The following ADSL variants were observed in gnomAD, a reference collection of about 807,000 sequenced individuals.
ADSL encodes adenylosuccinase.
ADSL carries 44 observed loss-of-function variants against 62.1 expected under a neutral mutation model. That is an observed-to-expected ratio of 0.71 (90% CI 0.56 to 0.91). The LOEUF (loss-of-function observed/expected upper bound fraction) is 0.91. Ranked by LOEUF, ADSL falls within the 40% of genes least tolerant of loss-of-function variation. ADSL has a pLI of 0.00. For missense variants in ADSL, 531 were observed against 627.4 expected, an observed-to-expected ratio of 0.85 and a Z score of 1.64; for synonymous variants, 198 against 220.5, an observed-to-expected ratio of 0.90 and a Z score of 0.90.
rs534624708 is a variant in ADSL at position 40,384,641 on chromosome 22, A to G, written c.90-5589A>G. 3.7e-3 allele frequency among the ~76,000 whole-genome samples: 556 copies of G among 152,202 alleles called. 1 individual carries two copies. The highest frequency in any genetic ancestry group is 6.0e-3 in the Non-Finnish European group (409 of 68,004). ...TAAAAATACAAAAAATTAGCTGGGC[A>G]TGGTGGCGGGCGCCTGTAGTCCCAG... On this transcript the variant is annotated intron_variant, in intron 2 of 2. Coordinates refer to the ADSL transcript ENST00000498234.
At chr22:40,349,185 T>C (rs2044253339) in intron 1 of ADSL, among the ~76,000 whole-genome samples, 1 of 152,026 alleles carries the variant, frequency 6.6e-6, no homozygotes, top group Non-Finnish European at 1.5e-5. Context: ...TGTCATGTGG[T>C]GATAAGTGCT....
chr22:40,362,861 C>G (rs968188586), intron 9 of ADSL, 120 bp from the exon 10 acceptor site: 1 of 979,942 alleles, frequency 1.0e-6, no homozygotes, highest in African/African-American at 1.6e-5. Context: ...TTGGGGTAAT[C>G]ATAAGATTGA....
chr22:40,361,375 TTGC>T, intron 8 of ADSL, 33 bp downstream of exon 8: 1 of 1,612,816 alleles, frequency 6.2e-7, no homozygotes, highest in African/African-American at 1.3e-5. Flanking sequence ...TGAGCACACA[TTGC>T]TGCTGGAAGG....
chr22:40,369,963 GT>G (rs748954049), downstream of ADSL, among the ~76,000 whole-genome samples: 1 of 152,208 alleles, frequency 6.6e-6, no homozygotes, highest in Non-Finnish European at 1.5e-5. Flanking sequence ...CCCTAGAAAG[GT>G]GATATGAAGC....
At chr22:40,347,922 T>C (rs2044203937) in intron 1 of ADSL, among the ~76,000 whole-genome samples, 1 of 152,216 alleles carries the variant, frequency 6.6e-6, no homozygotes, top group Non-Finnish European at 1.5e-5. Context: ...TTCTATTTCA[T>C]CTGATATTCT....
rs1171603051 is a variant in ADSL, at chr22:40,356,631, G to A, written c.483-2233G>A. On this transcript the variant is annotated intron_variant, in intron 4 of 12. Transcript: ENST00000623063. Reference sequence around the variant, plus strand: ...GGGCCAAGGCAGGACGATAGCTTGAGGCATGGAGTTCGAGACCAGCCTGGG... The same window carrying A: ...GGGCCAAGGCAGGACGATAGCTTGAAGCATGGAGTTCGAGACCAGCCTGGG... Among the ~76,000 whole-genome samples the A allele has an allele frequency of 5.9e-5, 9 of 152,074 alleles. No individual in the cohort carries two copies. In the South Asian group the frequency reaches 1.2e-3, roughly 21 times the overall value.
At chr22:40,375,047 C>G (rs1266292569) in intron 2 of ADSL, among the ~76,000 whole-genome samples, 1 of 152,212 alleles carries the variant, frequency 6.6e-6, no homozygotes, top group Non-Finnish European at 1.5e-5. Context: ...CTAATTTATG[C>G]TCACCATTTA....
rs530379053 is a variant in ADSL, at chr22:40,367,066, A to G, written c.*544A>G. 31 of 166,712 alleles carry G rather than the reference A, an allele frequency of 1.9e-4. No individual in the cohort carries two copies. The South Asian group carries it at 4.8e-3, about 26-fold the overall frequency. 10.3% of individuals were successfully genotyped at this position (166,712 alleles called of 1,614,324 possible). ...GTGCCCAAGCTCATTTCATCTTTTG[A>G]TAAGGCTTATACAGCAGGGAAATGC... is the stretch of plus-strand genomic sequence containing the variant. On this transcript the variant is annotated 3_prime_UTR_variant, in exon 13 of 13. Transcript: ENST00000623063.
chr22:40,354,129 C>G (rs561292444), intron 3 of ADSL, 119 bp from the exon 4 acceptor site: 109 of 930,012 alleles, frequency 1.2e-4, no homozygotes, highest in Admixed American at 3.4e-5. Context: ...GATATGGCTG[C>G]TGCCTTTCAT....
chr22:40,354,225 C>A, intron 3 of ADSL, 23 bp from the exon 4 acceptor site: 1 of 1,609,244 alleles, frequency 6.2e-7, no homozygotes, highest in Non-Finnish European at 8.5e-7. Context: ...CAACCTCTTT[C>A]TATCACATGA....
rs571597579 is a variant in ADSL, at chr22:40,364,923, C to T, written c.1235C>T (p.Ser412Phe). 34 of 1,614,112 alleles carry T rather than the reference C, an allele frequency of 2.1e-5. No individual in the cohort carries two copies. The highest frequency in any genetic ancestry group is 2.7e-5 in the Non-Finnish European group (32 of 1,180,052). ...AGAGTGCTTTCTCAGCAGGCAGCTTCTGTGGTTAAGCAGGAAGGGGGTGAC... is the reference window on the plus strand; with the variant it reads ...AGAGTGCTTTCTCAGCAGGCAGCTTTTGTGGTTAAGCAGGAAGGGGGTGAC... ...KIRVLSQQAA[S>F]VVKQEGGDND... The change falls in exon 12 of 13, where the codon TCT becomes TTT. Residue 412 changes from serine to phenylalanine, a missense_variant. Coordinates refer to ENST00000623063, the MANE Select transcript of ADSL (RefSeq NM_000026.4).
intron 2 of ADSL, among the ~76,000 whole-genome samples, chr22:40,381,068 G>A (rs5995849): frequency 1.1e-3 from 161 of 152,184 alleles, no homozygotes; most frequent in Non-Finnish European, 1.8e-3. Flanking sequence ...TGGGAAGAAC[G>A]AAGTAATTAG....
At chr22:40,374,912 A>C (rs1185819070) in intron 2 of ADSL, among the ~76,000 whole-genome samples, 1 of 152,246 alleles carries the variant, frequency 6.6e-6, no homozygotes, top group Non-Finnish European at 1.5e-5. Flanking sequence ...CAGTACTATC[A>C]GTAGTAGCAT....
chr22:40,374,042 G>A (rs1057044919), downstream of ADSL, among the ~76,000 whole-genome samples: 3 of 151,900 alleles, frequency 2.0e-5, no homozygotes, highest in African/African-American at 7.3e-5. Flanking sequence ...TCTGCCTCCC[G>A]GGTTTATTTA....
At chr22:40,349,022 C>T (rs1050538173) in intron 1 of ADSL, 5 of 156,052 alleles carry the variant, frequency 3.2e-5, no homozygotes, top group African/African-American at 1.2e-4. Flanking sequence ...GGCAAAACTA[C>T]TTACAGAATT....
intron 2 of ADSL, among the ~76,000 whole-genome samples, chr22:40,378,594 G>A (rs1393231544): frequency 6.6e-6 from 1 of 151,938 alleles, no homozygotes; most frequent in East Asian, 1.9e-4. Context: ...TTAGCCGGGT[G>A]TGGTGGCGCA....
chr22:40,354,153 A>C (rs1011205000), intron 3 of ADSL, 95 bp from the exon 4 acceptor site: 1 of 1,116,342 alleles, frequency 9.0e-7, no homozygotes, highest in Non-Finnish European at 1.4e-6. Context: ...TTAGCGGTCT[A>C]ATTTTATACA....
chr22:40,362,829 A>T, intron 9 of ADSL, 152 bp from the exon 10 acceptor site: 1 of 788,188 alleles, frequency 1.3e-6, no homozygotes, highest in East Asian at 2.5e-5. Flanking sequence ...TAGAGGTGAC[A>T]GATTTGAGGG....
intron 9 of ADSL, among the ~76,000 whole-genome samples, chr22:40,362,387 T>A (rs2044825450): frequency 6.6e-6 from 1 of 152,202 alleles, no homozygotes. Flanking sequence ...TTGAATACTT[T>A]TTAGCAAGGT....
Sources: gnomAD v4.1 joint callset for allele counts (sites outside exome capture counted in the v4.1 genomes callset) on GRCh38, gnomAD v4.1.1 for gene constraint, MANE v1.5 for transcripts, NCBI Gene and HGNC (gene_info 2026-07-23, HGNC 2026-07-21) for gene names.